Variants in CPQ observed in about 807,000 individuals in gnomAD.
CPQ encodes Ser-Met dipeptidase.
A neutral mutation model predicts 45.7 loss-of-function variants in CPQ; 37 were observed. That is an observed-to-expected ratio of 0.81 (90% CI 0.62 to 1.07). CPQ has a LOEUF of 1.07. Ranked by LOEUF, CPQ falls within the 50% of genes least tolerant of loss-of-function variation. The probability of loss-of-function intolerance (pLI) is 0.00; values close to 1 mark genes in which losing one functional copy is unlikely to be tolerated. For synonymous variants in CPQ, 186 were observed against 205.8 expected (o/e 0.90, Z 0.82); for missense variants, 537 against 572.9 (o/e 0.94, Z 0.64).
intron 4 of CPQ, among the ~76,000 whole-genome samples, chr8:96,892,079 T>C (rs1043652346): frequency 6.6e-6 from 1 of 152,232 alleles, no homozygotes; most frequent in Non-Finnish European, 1.5e-5. Flanking sequence ...CATTTGCTAA[T>C]GAATCCTGTT....
At chr8:97,113,860 C>G (rs1811541025) in intron 7 of CPQ, among the ~76,000 whole-genome samples, 1 of 152,188 alleles carries the variant, frequency 6.6e-6, no homozygotes, top group Non-Finnish European at 1.5e-5. Context: ...CAGACCAGTC[C>G]TCAAGAGCTG....
intron 2 of CPQ, among the ~76,000 whole-genome samples, chr8:96,823,802 G>T (rs1287314626): frequency 6.6e-6 from 1 of 151,942 alleles, no homozygotes; most frequent in Non-Finnish European, 1.5e-5. Flanking sequence ...GCAGTGCCTG[G>T]CATATTGTAA....
chr8:96,918,859 T>A (rs781325861), intron 4 of CPQ, among the ~76,000 whole-genome samples: 4 of 152,144 alleles, frequency 2.6e-5, no homozygotes, highest in African/African-American at 7.2e-5. Context: ...CTTAGGGACC[T>A]AAGGGTGTAT....
At chr8:97,138,412 A>G (rs115571243) in intron 7 of CPQ, among the ~76,000 whole-genome samples, 89 of 152,294 alleles carry the variant, frequency 5.8e-4, no homozygotes, top group African/African-American at 2.0e-3. Flanking sequence ...GAAAATCTAG[A>G]TGGCATCCTG....
At chr8:96,784,408 G>C (rs937813226) in intron 1 of CPQ, among the ~76,000 whole-genome samples, 4 of 151,070 alleles carry the variant, frequency 2.6e-5, no homozygotes, top group African/African-American at 7.3e-5. Flanking sequence ...GTGGGGGGGG[G>C]GTTGGTAAAA....
At chr8:96,982,497 C>A (rs1246544020) in intron 5 of CPQ, among the ~76,000 whole-genome samples, 2 of 152,064 alleles carry the variant, frequency 1.3e-5, no homozygotes, top group Non-Finnish European at 2.9e-5. Flanking sequence ...CACCACCATA[C>A]CCGGCTAATT....
At chr8:96,724,052 A>G (rs181035542) in intron 1 of CPQ, among the ~76,000 whole-genome samples, 31 of 152,040 alleles carry the variant, frequency 2.0e-4, no homozygotes, top group Non-Finnish European at 7.4e-5. Flanking sequence ...GCCTACCCCT[A>G]TTTGAACTAA....
chr8:97,010,222 G>A (rs775552889), intron 5 of CPQ, among the ~76,000 whole-genome samples: 12 of 152,114 alleles, frequency 7.9e-5, no homozygotes, highest in Non-Finnish European at 1.2e-4. Flanking sequence ...ATTAGTATTT[G>A]TCCTAGGTTA....
chr8:96,966,462 A>G (rs185745764), intron 5 of CPQ, among the ~76,000 whole-genome samples: 63 of 152,358 alleles, frequency 4.1e-4, no homozygotes, highest in Non-Finnish European at 5.0e-4. Flanking sequence ...ATAAAAGAGT[A>G]ACCTAGATAG....
chr8:96,994,659 G>T (rs1018327267), intron 5 of CPQ, among the ~76,000 whole-genome samples: 4 of 151,912 alleles, frequency 2.6e-5, no homozygotes, highest in African/African-American at 9.7e-5. Flanking sequence ...CCAAAAAAAA[G>T]AACCTGGCAT....
At chr8:96,691,881 C>T (rs1359616041) in intron 1 of CPQ, among the ~76,000 whole-genome samples, 2 of 152,074 alleles carry the variant, frequency 1.3e-5, no homozygotes, top group Non-Finnish European at 2.9e-5. Context: ...CTGACCCTTC[C>T]TTATTACTCC....
rs1039993421 is a variant in CPQ, at chr8:96,817,678, A to G, written c.434-17295A>G. On this transcript the variant is annotated intron_variant, in intron 2 of 7. Transcript: ENST00000220763. The stretch of plus-strand genomic sequence containing the variant: ...ACACAGGCTGCACTGCTTTGGTGCA[A>G]TCCTGGCTCACTGCAGCCTTGATCT... Among the ~76,000 whole-genome samples, 4 of 151,940 alleles carry G rather than the reference A, an allele frequency of 2.6e-5. No individual in the cohort carries two copies. The East Asian group carries it at 7.8e-4, about 30-fold the overall frequency.
intron 1 of CPQ, among the ~76,000 whole-genome samples, chr8:96,780,710 CTTT>C (rs769993744): frequency 2.2e-5 from 3 of 134,832 alleles, no homozygotes; most frequent in African/African-American, 2.7e-5. Flanking sequence ...TTTTTCTTTA[CTTT>C]TTTTTTTTTT....
chr8:96,756,734 A>G (rs1810330960), intron 1 of CPQ, among the ~76,000 whole-genome samples: 1 of 152,148 alleles, frequency 6.6e-6, no homozygotes, highest in Non-Finnish European at 1.5e-5. Flanking sequence ...AGAAACACAT[A>G]TCTTTTTACC....
chr8:96,981,123 C>T (rs911340393), intron 5 of CPQ, among the ~76,000 whole-genome samples: 2 of 152,134 alleles, frequency 1.3e-5, no homozygotes, highest in Non-Finnish European at 2.9e-5. Context: ...CTAGTGCTTA[C>T]TATTTACAAT....
intron 2 of CPQ, among the ~76,000 whole-genome samples, chr8:96,811,445 G>T (rs561562894): frequency 6.6e-6 from 1 of 152,130 alleles, no homozygotes; most frequent in South Asian, 2.1e-4. Flanking sequence ...TATAAATTTT[G>T]ATGTACATTA....
At position 96,974,142 on chromosome 8, in the gene CPQ, G is replaced by A. The variant is rs570095973; in HGVS notation, c.961+8096G>A. 4.6e-5 allele frequency among the ~76,000 whole-genome samples: 7 copies of A among 152,184 alleles called. No homozygotes were observed. In the South Asian group the frequency reaches 1.5e-3, roughly 32 times the overall value. On this transcript the variant is annotated intron_variant, in intron 5 of 7. Coordinates refer to ENST00000220763, the MANE Select transcript of CPQ (RefSeq NM_016134.4). ...TCAGGAGACTACTCTCACACATAAG[G>A]ACTCACGTAAACTTAAGATGAAGGG... is the stretch of plus-strand genomic sequence containing the variant.
At chr8:96,910,644 A>G (rs1446281805) in intron 4 of CPQ, among the ~76,000 whole-genome samples, 4 of 152,016 alleles carry the variant, frequency 2.6e-5, no homozygotes, top group Non-Finnish European at 4.4e-5. Context: ...AGCTGGGACT[A>G]CAGGGGCCTG....
chr8:97,024,244 AT>A (rs1809758268), intron 5 of CPQ, among the ~76,000 whole-genome samples: 1 of 152,048 alleles, frequency 6.6e-6, no homozygotes, highest in Admixed American at 6.5e-5. Flanking sequence ...TAGATCTCTC[AT>A]CCCCGGCCTC....
Sources: gnomAD v4.1 joint callset for allele counts (sites outside exome capture counted in the v4.1 genomes callset) on GRCh38, gnomAD v4.1.1 for gene constraint, MANE v1.5 for transcripts, NCBI Gene and HGNC (gene_info 2026-07-23, HGNC 2026-07-21) for gene names.